The following PTPRR variants were observed in gnomAD, a reference collection of about 807,000 sequenced individuals.
PTPRR encodes protein tyrosine phosphatase receptor type R, also known as receptor-type tyrosine-protein phosphatase R.
A neutral mutation model predicts 77.2 loss-of-function variants in PTPRR; 38 were observed. That is an observed-to-expected ratio of 0.49 (90% CI 0.38 to 0.65). The LOEUF is 0.65. Among genes scored for constraint, PTPRR ranks in the 30% least tolerant of loss-of-function variants. The probability of loss-of-function intolerance (pLI) is 0.00; values close to 1 mark genes in which losing one functional copy is unlikely to be tolerated. For synonymous variants in PTPRR, 299 were observed against 283.1 expected (o/e 1.06, Z -0.57); for missense variants, 744 against 799.2 (o/e 0.93, Z 0.83).
chr12:70,753,127 T>C (rs963307263), intron 5 of PTPRR, among the ~76,000 whole-genome samples: 5 of 152,202 alleles, frequency 3.3e-5, no homozygotes, highest in Non-Finnish European at 5.9e-5. Flanking sequence ...TTTTAAACTC[T>C]AGAAAACATG....
intron 2 of PTPRR, among the ~76,000 whole-genome samples, chr12:70,785,976 C>T (rs1357252131): frequency 1.3e-5 from 2 of 152,078 alleles, no homozygotes; most frequent in Non-Finnish European, 2.9e-5. Flanking sequence ...GTTCCTTGTT[C>T]TCTTTCAGCC....
chr12:70,658,883 GTTTTTTTTTTTTT>G (rs746595856), intron 12 of PTPRR, among the ~76,000 whole-genome samples: 22 of 36,930 alleles, frequency 6.0e-4, no homozygotes, highest in Admixed American at 4.4e-3. Flanking sequence ...TTTTGCTCTA[GTTTTTTTTTTTTT>G]TTTTTTTTTT....
chr12:70,732,762 T>C (rs752554157), intron 6 of PTPRR, among the ~76,000 whole-genome samples: 3 of 152,148 alleles, frequency 2.0e-5, no homozygotes, highest in African/African-American at 7.2e-5. Flanking sequence ...GGTTTCACCA[T>C]GTTGGCCAAG....
intron 7 of PTPRR, 48 bp downstream of exon 7, chr12:70,701,088 CA>C (rs1426174961): frequency 2.5e-6 from 4 of 1,590,330 alleles, no homozygotes; most frequent in Non-Finnish European, 3.4e-6. Context: ...TCTAGTGCCC[CA>C]TGTATCAAAA....
chr12:70,805,711 A>C (rs141229155), intron 2 of PTPRR, among the ~76,000 whole-genome samples: 1 of 152,208 alleles, frequency 6.6e-6, no homozygotes, highest in Admixed American at 6.5e-5. Flanking sequence ...GTCTCATTTA[A>C]TCCTTGCAAC....
intron 6 of PTPRR, among the ~76,000 whole-genome samples, chr12:70,713,084 C>A (rs1398130351): frequency 6.6e-6 from 1 of 152,140 alleles, no homozygotes; most frequent in Non-Finnish European, 1.5e-5. Context: ...CACTAATATA[C>A]ATGCTGTGTC....
intron 6 of PTPRR, among the ~76,000 whole-genome samples, chr12:70,727,505 G>T (rs1889484983): frequency 6.6e-6 from 1 of 152,110 alleles, no homozygotes; most frequent in Admixed American, 6.5e-5. Flanking sequence ...ATTCATAAAA[G>T]AAGCTATCAG....
At chr12:70,786,797 G>T (rs1185549650) in intron 2 of PTPRR, among the ~76,000 whole-genome samples, 3 of 152,170 alleles carry the variant, frequency 2.0e-5, no homozygotes, top group African/African-American at 7.2e-5. Flanking sequence ...ATGAAATGAG[G>T]TTTATTGGCA....
chr12:70,671,219 A>G (rs1887210186), intron 10 of PTPRR, among the ~76,000 whole-genome samples: 2 of 152,284 alleles, frequency 1.3e-5, no homozygotes, highest in Admixed American at 1.3e-4. Context: ...ACTTCTCAGT[A>G]TCATTTTGAT....
intron 2 of PTPRR, among the ~76,000 whole-genome samples, chr12:70,864,002 G>A (rs1002380768): frequency 3.3e-5 from 5 of 152,144 alleles, no homozygotes; most frequent in African/African-American, 9.7e-5. Context: ...AGATAGCCTC[G>A]CTGAGATAAG....
chr12:70,746,954 A>T (rs1890232523), intron 5 of PTPRR, among the ~76,000 whole-genome samples: 1 of 152,154 alleles, frequency 6.6e-6, no homozygotes, highest in Non-Finnish European at 1.5e-5. Flanking sequence ...GTAAAGTTAA[A>T]GCTTAAATTT....
intron 10 of PTPRR, among the ~76,000 whole-genome samples, chr12:70,678,621 T>G (rs1887538064): frequency 6.6e-6 from 1 of 152,174 alleles, no homozygotes; most frequent in South Asian, 2.1e-4. Flanking sequence ...TATTTCTGCT[T>G]TGATCTTTCT....
At chr12:70,726,191 T>A (rs1479995168) in intron 6 of PTPRR, among the ~76,000 whole-genome samples, 1 of 151,954 alleles carries the variant, frequency 6.6e-6, no homozygotes, top group African/African-American at 2.4e-5. Flanking sequence ...GTCAACTTAA[T>A]TCAAGAAAAT....
intron 2 of PTPRR, among the ~76,000 whole-genome samples, chr12:70,841,136 T>C (rs1357734596): frequency 1.3e-5 from 2 of 152,030 alleles, no homozygotes; most frequent in Non-Finnish European, 2.9e-5. Context: ...AGAAATTCCA[T>C]TCCAGCTCAT....
chr12:70,789,958 A>G (rs1410426679), intron 2 of PTPRR, among the ~76,000 whole-genome samples: 3 of 152,206 alleles, frequency 2.0e-5, no homozygotes, highest in African/African-American at 4.8e-5. Flanking sequence ...TTGCAACATA[A>G]TAGTAAAAAA....
intron 4 of PTPRR, 197 bp from the exon 5 acceptor site, chr12:70,754,498 CTCCTATGCAGG>C: frequency 6.4e-7 from 1 of 1,563,930 alleles, no homozygotes. Context: ...ATTATTTAGT[CTCCTATGCAGG>C]AGCAAGCGTG....
At chr12:70,676,375 T>A (rs909400159) in intron 10 of PTPRR, among the ~76,000 whole-genome samples, 5 of 151,966 alleles carry the variant, frequency 3.3e-5, no homozygotes, top group African/African-American at 1.2e-4. Context: ...TAGTAACTTG[T>A]TCCTGTGTCA....
rs114427423 is a variant in PTPRR at position 70,748,010 on chromosome 12, G to C, written c.739-1924C>G. On this transcript the variant is annotated intron_variant, in intron 5 of 13. Coordinates refer to ENST00000283228, the MANE Select transcript of PTPRR (RefSeq NM_002849.4). ...TCATATTTTCAGGGTGTGGGGGAAG[G>C]AGAAGGGAAAGGGTGCTACTGGCAT... Among the ~76,000 whole-genome samples, 1,331 of 152,216 alleles carry C rather than the reference G, an allele frequency of 8.7e-3. 14 individuals are homozygous for C. Among genetic ancestry groups the C allele is most frequent in the African/African-American group, 0.03 (1,257 of 41,514 alleles).
chr12:70,769,586 A>T (rs982818311), intron 2 of PTPRR, among the ~76,000 whole-genome samples: 5 of 152,180 alleles, frequency 3.3e-5, no homozygotes, highest in African/African-American at 1.2e-4. Context: ...CCAACTGCCC[A>T]AGGTAATTTA....
Sources: gnomAD v4.1 joint callset for allele counts (sites outside exome capture counted in the v4.1 genomes callset) on GRCh38, gnomAD v4.1.1 for gene constraint, MANE v1.5 for transcripts, NCBI Gene and HGNC (gene_info 2026-07-23, HGNC 2026-07-21) for gene names.